Variants in LRRC8D observed in about 807,000 individuals in gnomAD.
The protein encoded by LRRC8D is volume-regulated anion channel subunit LRRC8D.
LRRC8D carries 20 observed loss-of-function variants against 55.8 expected under a neutral mutation model. That is an observed-to-expected ratio of 0.36 (90% CI 0.25 to 0.52). LRRC8D has a LOEUF of 0.52. Among genes scored for constraint, LRRC8D ranks in the 20% least tolerant of loss-of-function variants. The pLI is 0.93. For missense variants in LRRC8D, 651 were observed against 1,030.8 expected, an observed-to-expected ratio of 0.63 and a Z score of 5.05; for synonymous variants, 352 against 377.0, an observed-to-expected ratio of 0.93 and a Z score of 0.77.
intron 2 of LRRC8D, among the ~76,000 whole-genome samples, chr1:89,846,220 C>A (rs1449561157): frequency 6.6e-6 from 1 of 152,108 alleles, no homozygotes; most frequent in Non-Finnish European, 1.5e-5. Flanking sequence ...CATTTAAGAA[C>A]AGAGTCTCCT....
At chr1:89,881,254 A>G (rs1238413425) in intron 2 of LRRC8D, among the ~76,000 whole-genome samples, 2 of 152,152 alleles carry the variant, frequency 1.3e-5, no homozygotes, top group African/African-American at 4.8e-5. Context: ...TAAAAGTGGG[A>G]GTATGTGGAA....
intron 2 of LRRC8D, among the ~76,000 whole-genome samples, chr1:89,880,016 G>T (rs1029697534): frequency 3.3e-5 from 5 of 151,966 alleles, no homozygotes; most frequent in African/African-American, 1.2e-4. Flanking sequence ...GGTTGAAAGA[G>T]GCAAGGATAA....
intron 2 of LRRC8D, among the ~76,000 whole-genome samples, chr1:89,882,387 G>A (rs1662306570): frequency 6.6e-6 from 1 of 152,144 alleles, no homozygotes; most frequent in African/African-American, 2.4e-5. Flanking sequence ...CTGGCTATTG[G>A]AATTTTAAAA....
At chr1:89,929,886 G>T (rs1249527058) in intron 2 of LRRC8D, 1 of 152,304 alleles carries the variant, frequency 6.6e-6, no homozygotes, top group East Asian at 1.9e-4. Flanking sequence ...TAGGTGAGCG[G>T]CGGGAGAGTG....
At position 89,933,786 on chromosome 1, in the gene LRRC8D, A is replaced by G. The variant is rs563703678; in HGVS notation, c.718A>G (p.Thr240Ala). ...GAQTLPKHVS[T>A]SSDEGSPSAS... ...CCAGACTCTACCAAAGCATGTTTCT[A>G]CCAGCAGTGATGAAGGGAGCCCCAG... Residue 240 changes from threonine (T) to alanine (A), a missense_variant, in exon 3 of 3, where the codon ACC (threonine) becomes GCC (alanine). Thr to Ala is a moderately conservative substitution (Grantham distance 58, BLOSUM62 0). Transcript: ENST00000337338. This position sits in a 1 kb window ranked among gnomAD's most constrained non-coding sequence, Gnocchi z 7.0. The G allele has an allele frequency of 6.2e-7, 1 of 1,614,142 alleles. No homozygotes were observed. Among genetic ancestry groups the G allele is most frequent in the Admixed American group, 1.7e-5 (1 of 60,024 alleles).
chr1:89,925,592 AAAAT>A (rs568153335), intron 2 of LRRC8D, among the ~76,000 whole-genome samples: 37 of 152,338 alleles, frequency 2.4e-4, no homozygotes, highest in African/African-American at 8.4e-4. Flanking sequence ...CCCTGAACCT[AAAAT>A]AAGTCACTAG....
chr1:89,915,963 G>T (rs1288202060), intron 2 of LRRC8D, among the ~76,000 whole-genome samples: 1 of 152,146 alleles, frequency 6.6e-6, no homozygotes, highest in Non-Finnish European at 1.5e-5. Context: ...CTCACATGAA[G>T]TTCACAAAAA....
intron 2 of LRRC8D, among the ~76,000 whole-genome samples, chr1:89,925,212 A>G (rs568409547): frequency 1.3e-5 from 2 of 152,216 alleles, no homozygotes; most frequent in Admixed American, 6.5e-5. Flanking sequence ...AATTCAAGGG[A>G]TCTAGGTTCT....
At chr1:89,864,853 G>A (rs1347750724) in intron 2 of LRRC8D, among the ~76,000 whole-genome samples, 1 of 152,016 alleles carries the variant, frequency 6.6e-6, no homozygotes, top group East Asian at 1.9e-4. Context: ...CTTCTTATTG[G>A]CTAAGTTTTC....
chr1:89,920,087 A>C (rs949783571), intron 2 of LRRC8D, among the ~76,000 whole-genome samples: 1 of 152,206 alleles, frequency 6.6e-6, no homozygotes, highest in Admixed American at 6.5e-5. Context: ...AAGCCCTCAA[A>C]TGTGGGCCTT....
chr1:89,847,219 T>C (rs1249640021), intron 2 of LRRC8D, among the ~76,000 whole-genome samples: 10 of 152,264 alleles, frequency 6.6e-5, no homozygotes. Context: ...TAATTTGTTA[T>C]ACTGCAAATT....
intron 1 of LRRC8D, among the ~76,000 whole-genome samples, chr1:89,838,686 C>G (rs945223805): frequency 6.6e-6 from 1 of 152,164 alleles, no homozygotes; most frequent in African/African-American, 2.4e-5. Context: ...AATCCCAGTA[C>G]ATCAACCATC....
intron 2 of LRRC8D, among the ~76,000 whole-genome samples, chr1:89,923,421 A>G (rs946398833): frequency 1.3e-5 from 2 of 152,248 alleles, no homozygotes; most frequent in African/African-American, 4.8e-5. Flanking sequence ...TATGGATAGG[A>G]TGCAGAGAAA....
intron 2 of LRRC8D, among the ~76,000 whole-genome samples, chr1:89,916,551 A>G (rs553375887): frequency 6.6e-6 from 1 of 152,360 alleles, no homozygotes; most frequent in South Asian, 2.1e-4. Context: ...TAGCGATTAT[A>G]TTGCCAAAGG....
chr1:89,869,098 G>A (rs1455580719), intron 2 of LRRC8D, among the ~76,000 whole-genome samples: 1 of 152,056 alleles, frequency 6.6e-6, no homozygotes, highest in Non-Finnish European at 1.5e-5. Flanking sequence ...GCAGAGATGG[G>A]GTTTCGCTAT....
rs190440798 is a variant in LRRC8D, at chr1:89,835,236, A to G, written c.-147-8402A>G. ...GTTCTGAGGGCAGCCTGGTGAGGGA[A>G]GGGTTCTAGAGGGCATTGGGGCATT... On this transcript the variant is annotated intron_variant, in intron 1 of 2. Coordinates refer to ENST00000337338, the MANE Select transcript of LRRC8D (RefSeq NM_001134479.2). Among the ~76,000 whole-genome samples, 353 of 152,280 alleles carry G rather than the reference A, an allele frequency of 2.3e-3. 1 individual carries two copies. The highest frequency in any genetic ancestry group is 7.9e-3 in the African/African-American group (330 of 41,552).
intron 1 of LRRC8D, among the ~76,000 whole-genome samples, chr1:89,842,036 C>T (rs1222523243): frequency 6.6e-6 from 1 of 151,796 alleles, no homozygotes; most frequent in Admixed American, 6.6e-5. Flanking sequence ...CATTGTGAAA[C>T]CTCATCTGTA....
At chr1:89,877,515 T>C (rs1662177136) in intron 2 of LRRC8D, among the ~76,000 whole-genome samples, 1 of 152,218 alleles carries the variant, frequency 6.6e-6, no homozygotes, top group Middle Eastern at 3.2e-3. Flanking sequence ...TCTAAGAAAA[T>C]AATCCTTACA....
At chr1:89,886,005 T>TA (rs1662409937) in intron 2 of LRRC8D, among the ~76,000 whole-genome samples, 1 of 152,242 alleles carries the variant, frequency 6.6e-6, no homozygotes, top group African/African-American at 2.4e-5. Flanking sequence ...TTACCTCACT[T>TA]ACTTGCATTT....
Sources: allele counts gnomAD v4.1 joint callset (sites outside exome capture counted in the v4.1 genomes callset), GRCh38; gene constraint gnomAD v4.1.1; non-coding constraint Gnocchi (gnomAD v3.1); transcripts MANE v1.5; gene names NCBI Gene and HGNC (gene_info 2026-07-23, HGNC 2026-07-21).